CNTNAP2: variants seen among roughly 807,000 people sequenced by gnomAD.
The protein encoded by CNTNAP2 is contactin-associated protein-like 2.
A neutral mutation model predicts 155.2 loss-of-function variants in CNTNAP2; 98 were observed. The ratio of observed to expected loss-of-function variants is 0.63; its 90% CI spans 0.54 to 0.75. The LOEUF (loss-of-function observed/expected upper bound fraction) is 0.75. Ranked by LOEUF, CNTNAP2 falls within the 30% of genes least tolerant of loss-of-function variation. The pLI, the probability that CNTNAP2 is intolerant of heterozygous loss-of-function variation, is 0.00. For synonymous variants in CNTNAP2, 651 were observed against 631.2 expected, an observed-to-expected ratio of 1.03 and a Z score of -0.47; for missense variants, 1,727 against 1,688.1, an observed-to-expected ratio of 1.02 and a Z score of -0.40.
At position 147,256,431 on chromosome 7, in the gene CNTNAP2, A is replaced by C. The variant is rs75858283; in HGVS notation, c.1349-43710A>C. On this transcript the variant is annotated intron_variant, in intron 8 of 23. Transcript: ENST00000361727. ...TTCTGTCATGTTAGCATAGGTCACT[A>C]GGTGTAAAAATGGCATGATAAGCAA... 5.2e-3 allele frequency among the ~76,000 whole-genome samples: 791 copies of C among 152,324 alleles called. 7 individuals carry two copies. Among genetic ancestry groups the C allele is most frequent in the African/African-American group, 0.018 (757 of 41,572 alleles).
chr7:148,064,893 T>G (rs574282832), intron 15 of CNTNAP2, among the ~76,000 whole-genome samples: 11 of 152,140 alleles, frequency 7.2e-5, no homozygotes, highest in Non-Finnish European at 1.6e-4. Flanking sequence ...ATTGTCTGTT[T>G]GGGCTCTTTC....
chr7:148,322,105 A>G (rs989244102), intron 21 of CNTNAP2, among the ~76,000 whole-genome samples: 2 of 151,690 alleles, frequency 1.3e-5, no homozygotes, highest in Non-Finnish European at 2.9e-5. Flanking sequence ...TATTTTTAGT[A>G]GAAATGGAGG....
chr7:147,705,415 C>T (rs1796294985), intron 13 of CNTNAP2, among the ~76,000 whole-genome samples: 1 of 152,040 alleles, frequency 6.6e-6, no homozygotes, highest in South Asian at 2.1e-4. Flanking sequence ...TGAGAAGATA[C>T]TTGATATAAT....
intron 8 of CNTNAP2, among the ~76,000 whole-genome samples, chr7:147,200,347 T>G (rs1444335427): frequency 2.0e-5 from 3 of 152,196 alleles, no homozygotes; most frequent in Non-Finnish European, 2.9e-5. Context: ...ACATGGCTTC[T>G]GGGTCTGGGA....
intron 3 of CNTNAP2, among the ~76,000 whole-genome samples, chr7:146,952,083 A>T (rs368355428): frequency 5.9e-5 from 9 of 152,304 alleles, no homozygotes; most frequent in African/African-American, 2.2e-4. Flanking sequence ...ATCCGCCATG[A>T]TGAAGACAGC....
rs905054144 is a variant in CNTNAP2, at chr7:146,158,592, G to A, written c.97+41619G>A. 5.3e-5 allele frequency among the ~76,000 whole-genome samples: 8 copies of A among 152,270 alleles called. No homozygotes were observed. In the South Asian group the frequency reaches 8.3e-4, roughly 16 times the overall value. Reference sequence around the variant, plus strand: ...AACCACGGCATGAGAACTATGTGACGCATGTGCAAGCTTCAGTAGCCAATT... The same window carrying A: ...AACCACGGCATGAGAACTATGTGACACATGTGCAAGCTTCAGTAGCCAATT... On this transcript the variant is annotated intron_variant, in intron 1 of 23. Coordinates refer to ENST00000361727, the MANE Select transcript of CNTNAP2 (RefSeq NM_014141.6).
intron 8 of CNTNAP2, among the ~76,000 whole-genome samples, chr7:147,200,957 G>A (rs1216689430): frequency 6.6e-6 from 1 of 152,126 alleles, no homozygotes; most frequent in Non-Finnish European, 1.5e-5. Context: ...TTCAACTGAG[G>A]GTCATGTTAG....
chr7:146,460,817 G>A (rs1015342083), intron 1 of CNTNAP2, among the ~76,000 whole-genome samples: 1 of 152,154 alleles, frequency 6.6e-6, no homozygotes, highest in Non-Finnish European at 1.5e-5. Flanking sequence ...AGTGTCTGGG[G>A]TATAGGGCAG....
intron 13 of CNTNAP2, among the ~76,000 whole-genome samples, chr7:147,642,191 T>C (rs1795290796): frequency 1.3e-5 from 2 of 152,114 alleles, no homozygotes; most frequent in Non-Finnish European, 2.9e-5. Flanking sequence ...AGTTAATTAG[T>C]CTTCAGTCCT....
chr7:147,334,716 C>T (rs555234135), intron 9 of CNTNAP2, among the ~76,000 whole-genome samples: 13 of 152,242 alleles, frequency 8.5e-5, no homozygotes, highest in African/African-American at 3.1e-4. Context: ...GTGTGACTCC[C>T]TTACTGTCAC....
intron 3 of CNTNAP2, among the ~76,000 whole-genome samples, chr7:146,963,338 G>A (rs993881079): frequency 6.6e-6 from 1 of 152,030 alleles, no homozygotes; most frequent in Non-Finnish European, 1.5e-5. Context: ...TGTCTCAAAT[G>A]TCATGTATCT....
chr7:148,185,119 C>T, intron 18 of CNTNAP2, among the ~76,000 whole-genome samples: 1 of 152,176 alleles, frequency 6.6e-6, no homozygotes, highest in African/African-American at 2.4e-5. Context: ...TTAGTGCTCG[C>T]CCGTCTCTCT....
chr7:146,236,149 G>C (rs1799470058), intron 1 of CNTNAP2, among the ~76,000 whole-genome samples: 1 of 151,878 alleles, frequency 6.6e-6, no homozygotes, highest in African/African-American at 2.4e-5. Flanking sequence ...CTCATTTTTT[G>C]TTATTCAATG....
At chr7:146,199,729 G>A (rs904419149) in intron 1 of CNTNAP2, among the ~76,000 whole-genome samples, 1 of 152,154 alleles carries the variant, frequency 6.6e-6, no homozygotes, top group East Asian at 1.9e-4. Context: ...AGAAATTAGA[G>A]AGGGTAGAAG....
At chr7:146,586,382 A>C (rs1380186689) in intron 1 of CNTNAP2, among the ~76,000 whole-genome samples, 2 of 152,210 alleles carry the variant, frequency 1.3e-5, no homozygotes, top group Non-Finnish European at 2.9e-5. Flanking sequence ...ATAAATTACA[A>C]ACCCCACCAA....
chr7:148,008,014 G>T (rs1359242383), intron 15 of CNTNAP2, among the ~76,000 whole-genome samples: 1 of 152,112 alleles, frequency 6.6e-6, no homozygotes, highest in Non-Finnish European at 1.5e-5. Flanking sequence ...TATAAATGCG[G>T]AGATTTTCCT....
chr7:146,750,471 C>G (rs950943958), intron 1 of CNTNAP2, among the ~76,000 whole-genome samples: 2 of 152,194 alleles, frequency 1.3e-5, no homozygotes, highest in Admixed American at 1.3e-4. Flanking sequence ...TGATTTTGAT[C>G]CCATGATTCA....
intron 8 of CNTNAP2, among the ~76,000 whole-genome samples, chr7:147,175,121 T>C (rs1802311833): frequency 6.6e-6 from 1 of 152,092 alleles, no homozygotes; most frequent in Non-Finnish European, 1.5e-5. Context: ...GATTAACAGC[T>C]GAACTTCATT....
At chr7:146,579,240 TA>T (rs1196874620) in intron 1 of CNTNAP2, among the ~76,000 whole-genome samples, 2 of 152,104 alleles carry the variant, frequency 1.3e-5, no homozygotes, top group African/African-American at 4.8e-5. Context: ...TCTAAACAAG[TA>T]TTTTTTTAAT....
Sources: gnomAD v4.1 joint callset for allele counts (sites outside exome capture counted in the v4.1 genomes callset) on GRCh38, gnomAD v4.1.1 for gene constraint, MANE v1.5 for transcripts, NCBI Gene and HGNC (gene_info 2026-07-23, HGNC 2026-07-21) for gene names.